AKAP14: variants seen among roughly 807,000 people sequenced by gnomAD.
AKAP14 encodes the protein A-kinase anchoring protein 14.
A neutral mutation model predicts 17.0 loss-of-function variants in AKAP14; 4 were observed. The observed-to-expected ratio is 0.23, with a 90% CI of 0.12 to 0.54. The LOEUF (loss-of-function observed/expected upper bound fraction) is 0.54, where lower values mean the gene tolerates loss of function less well. AKAP14 is among the 20% of genes least tolerant of loss of function. The pLI is 0.95. For synonymous variants in AKAP14, 42 were observed against 51.3 expected (o/e 0.82, Z 0.77); for missense variants, 129 against 150.9 (o/e 0.85, Z 0.76).
At chrX:119,908,952 C>T (rs369398870) in intron 4 of AKAP14, among the ~76,000 whole-genome samples, 1 of 111,434 alleles carries the variant, frequency 9.0e-6, no homozygotes, top group Non-Finnish European at 1.9e-5. Context: ...AGAACTGAGG[C>T]TTCTAGTGGG....
chrX:119,920,218 A>G (rs2056681253), intron 6 of AKAP14, among the ~76,000 whole-genome samples: 2 of 111,512 alleles, frequency 1.8e-5, no homozygotes, highest in Non-Finnish European at 3.8e-5. Context: ...TATCGTTTCT[A>G]AGGAAAACTT....
At chrX:119,906,237 T>C (rs2056596733) in intron 4 of AKAP14, among the ~76,000 whole-genome samples, 1 of 86,269 alleles carries the variant, frequency 1.2e-5, no homozygotes, top group Admixed American at 1.3e-4. Context: ...TTTTTTTTTT[T>C]TTTTTTTTTT....
chrX:119,914,630 A>G, intron 4 of AKAP14, 69 bp from the exon 5 acceptor site: 2 of 1,062,228 alleles, frequency 1.9e-6, no homozygotes, highest in Non-Finnish European at 2.5e-6. Flanking sequence ...GCCATGCTGC[A>G]TTTATCTACA....
chrX:119,908,300 A>AAAAAAAAAAAAG, intron 4 of AKAP14, among the ~76,000 whole-genome samples: 1 of 103,505 alleles, frequency 9.7e-6, no homozygotes, highest in Non-Finnish European at 2.0e-5. Flanking sequence ...AAAAAAAAAA[A>AAAAAAAAAAAAG]AAGAAGGATG....
intron 2 of AKAP14, among the ~76,000 whole-genome samples, chrX:119,901,002 C>A (rs1446695915): frequency 8.9e-6 from 1 of 112,250 alleles, no homozygotes; most frequent in Admixed American, 9.5e-5. Flanking sequence ...ATCTTTACAG[C>A]CCTAGTAACA....
intron 2 of AKAP14, among the ~76,000 whole-genome samples, chrX:119,901,951 G>A (rs186794221): frequency 2.5e-4 from 28 of 110,326 alleles, no homozygotes; most frequent in African/African-American, 8.5e-4. Flanking sequence ...CCCGGGAGGC[G>A]GAGGTTGCGG....
intron 4 of AKAP14, among the ~76,000 whole-genome samples, chrX:119,906,176 G>A (rs949972353): frequency 1.9e-5 from 2 of 103,376 alleles, no homozygotes; most frequent in African/African-American, 7.1e-5. Context: ...AACTCATGAT[G>A]TAAAATCGCC....
intron 5 of AKAP14, among the ~76,000 whole-genome samples, chrX:119,918,659 A>C (rs745552500): frequency 8.9e-6 from 1 of 112,587 alleles, no homozygotes; most frequent in South Asian, 3.6e-4. Context: ...TGAAAGAATG[A>C]TTGCTGGTAT....
At chrX:119,899,532 G>A (rs1255995620) in intron 2 of AKAP14, among the ~76,000 whole-genome samples, 1 of 111,733 alleles carries the variant, frequency 8.9e-6, no homozygotes, top group African/African-American at 3.3e-5. Context: ...ACCACACTGG[G>A]AAGCTGGGAG....
chrX:119,901,481 G>T (rs1331624698), intron 2 of AKAP14, among the ~76,000 whole-genome samples: 1 of 110,765 alleles, frequency 9.0e-6, no homozygotes, highest in African/African-American at 3.3e-5. Context: ...AAAGTGGGTG[G>T]ATCACTTGAG....
chrX:119,912,555 G>A (rs2056633342), intron 4 of AKAP14, among the ~76,000 whole-genome samples: 1 of 108,672 alleles, frequency 9.2e-6, no homozygotes, highest in African/African-American at 3.3e-5. Context: ...TTTTGAGATG[G>A]AATTTCACTC....
At chrX:119,898,065 A>C (rs990604659) in intron 2 of AKAP14, among the ~76,000 whole-genome samples, 2 of 112,714 alleles carry the variant, frequency 1.8e-5, no homozygotes, top group Non-Finnish European at 3.7e-5. Flanking sequence ...CAGGAGGCTG[A>C]GGCAGGAGAA....
chrX:119,899,034 G>A (rs920832152), intron 2 of AKAP14, among the ~76,000 whole-genome samples: 3 of 108,052 alleles, frequency 2.8e-5, no homozygotes, highest in Non-Finnish European at 5.7e-5. Context: ...GGGCGTGGTG[G>A]CAGGTGCCTG....
intron 4 of AKAP14, among the ~76,000 whole-genome samples, chrX:119,909,608 G>C (rs1347009815): frequency 9.3e-6 from 1 of 107,959 alleles, no homozygotes; most frequent in Non-Finnish European, 1.9e-5. Context: ...ATTAAAAGGA[G>C]TAATGATTTT....
In AKAP14 at chrX:119,920,497, T is replaced by C. The variant is rs2056683212; in HGVS notation, c.495-11T>C. The C allele has an allele frequency of 8.5e-7, 1 of 1,182,937 alleles. No homozygotes were observed. The highest frequency in any genetic ancestry group is 1.8e-5 in the African/African-American group (1 of 56,795). ...AATACTTTAAAAGTGTTTGTTTTTCTTCCTTTGTAGACCAGGAATGGTTCG... is the reference window on the plus strand; with the variant it reads ...AATACTTTAAAAGTGTTTGTTTTTCCTCCTTTGTAGACCAGGAATGGTTCG... On this transcript the variant is annotated splice_polypyrimidine_tract_variant and intron_variant, in intron 6 of 6. Coordinates refer to ENST00000371431, the MANE Select transcript of AKAP14 (RefSeq NM_178813.6).
chrX:119,905,957 C>T (rs2056594618), intron 4 of AKAP14, among the ~76,000 whole-genome samples: 1 of 111,689 alleles, frequency 9.0e-6, no homozygotes, highest in Non-Finnish European at 1.9e-5. Context: ...TTTCTCTTGA[C>T]TGCTCTCTTC....
intron 2 of AKAP14, among the ~76,000 whole-genome samples, chrX:119,899,219 G>T (rs147162082): frequency 9.4e-6 from 1 of 106,331 alleles, no homozygotes; most frequent in Non-Finnish European, 1.9e-5. Context: ...GGGCCCTACT[G>T]CTCTTTCTCA....
chrX:119,911,491 G>A (rs1401816430), intron 4 of AKAP14, among the ~76,000 whole-genome samples: 2 of 111,496 alleles, frequency 1.8e-5, no homozygotes, highest in African/African-American at 6.5e-5. Flanking sequence ...CAAAGGGAAA[G>A]GGTGTGAAGT....
intron 4 of AKAP14, among the ~76,000 whole-genome samples, chrX:119,908,122 CA>C (rs1039754787): frequency 9.1e-6 from 1 of 109,559 alleles, no homozygotes; most frequent in African/African-American, 3.3e-5. Flanking sequence ...CCTGTCTCTA[CA>C]AAAATACAAA....
Sources: gnomAD v4.1 joint callset for allele counts (sites outside exome capture counted in the v4.1 genomes callset) on GRCh38, gnomAD v4.1.1 for gene constraint, MANE v1.5 for transcripts, NCBI Gene and HGNC (gene_info 2026-07-23, HGNC 2026-07-21) for gene names.